The following RPH3A variants were observed in gnomAD, a reference collection of about 807,000 sequenced individuals.
RPH3A encodes the protein rabphilin-3A.
Under a neutral mutation model 102.2 loss-of-function variants are expected in RPH3A, and 48 were observed. That is an observed-to-expected ratio of 0.47 (90% confidence interval 0.37 to 0.60). RPH3A has a LOEUF of 0.60. Ranked by LOEUF, RPH3A falls within the 20% of genes least tolerant of loss-of-function variation. RPH3A has a pLI of 0.00. For synonymous variants in RPH3A, 310 were observed against 324.3 expected (o/e 0.96, Z 0.47); for missense variants, 781 against 910.1 (o/e 0.86, Z 1.83).
At chr12:112,763,667 T>G (rs2040869372) in intron 1 of RPH3A, among the ~76,000 whole-genome samples, 2 of 152,204 alleles carry the variant, frequency 1.3e-5, no homozygotes, top group South Asian at 4.1e-4. Flanking sequence ...AGATTGTAAA[T>G]GTTTCTTATC....
chr12:112,791,867 G>GGAGAGAGAGAGAGAGAGAGAGGGAGA lies in RPH3A; in HGVS notation c.-264_-263insGGAGAGAGAGAGAGAGAGAGAGAGAG, dbSNP rs2041114000. The GGAGAGAGAGAGAGAGAGAGAGGGAGA allele has an allele frequency of 2.1e-5, 1 of 48,484 alleles. No homozygotes were observed. Among genetic ancestry groups the GGAGAGAGAGAGAGAGAGAGAGGGAGA allele is most frequent in the African/African-American group, 9.6e-5 (1 of 10,408 alleles). 3.0% of individuals were successfully genotyped at this position (48,484 alleles called of 1,614,324 possible). On this transcript the variant is annotated 5_prime_UTR_variant, in exon 1 of 22. Coordinates refer to ENST00000389385, the MANE Select transcript of RPH3A (RefSeq NM_001143854.2). ...CGCGGACTGGAAAGGAAGGGAGAAG[G>GGAGAGAGAGAGAGAGAGAGAGGGAGA]GAGAGAGAGAGAGAGAGAGAGAGAG...
chr12:112,766,189 A>T (rs1262429400), intron 1 of RPH3A, among the ~76,000 whole-genome samples: 2 of 152,156 alleles, frequency 1.3e-5, no homozygotes, highest in East Asian at 3.9e-4. Flanking sequence ...GCCACTTCCT[A>T]GCTGTGTGAA....
At chr12:112,749,535 A>C (rs921384875) in intron 1 of RPH3A, among the ~76,000 whole-genome samples, 2 of 152,192 alleles carry the variant, frequency 1.3e-5, no homozygotes, top group African/African-American at 4.8e-5. Flanking sequence ...GTCATTTCTG[A>C]GGTAGAAATC....
At chr12:112,700,223 C>T (rs1291186534) in intron 1 of RPH3A, among the ~76,000 whole-genome samples, 1 of 152,156 alleles carries the variant, frequency 6.6e-6, no homozygotes, top group African/African-American at 2.4e-5. Context: ...GCATGCACAA[C>T]CACTCCCAGC....
At chr12:112,708,608 G>A (rs777986018) in intron 1 of RPH3A, among the ~76,000 whole-genome samples, 1 of 152,188 alleles carries the variant, frequency 6.6e-6, no homozygotes, top group Non-Finnish European at 1.5e-5. Context: ...GACACCGAGT[G>A]ACATCAGTGC....
intron 1 of RPH3A, among the ~76,000 whole-genome samples, chr12:112,671,844 C>G (rs2040133053): frequency 6.6e-6 from 1 of 151,268 alleles, no homozygotes; most frequent in Non-Finnish European, 1.5e-5. Flanking sequence ...AAAACAGAAC[C>G]AATAGGATCT....
At chr12:112,855,188 C>A (rs10774665) in intron 5 of RPH3A, among the ~76,000 whole-genome samples, 5 of 151,980 alleles carry the variant, frequency 3.3e-5, no homozygotes, top group Admixed American at 1.3e-4. Flanking sequence ...CCCTTGAGCC[C>A]TGTACACTTG....
At chr12:112,576,891 C>CT (rs201844953) in intron 1 of RPH3A, among the ~76,000 whole-genome samples, 2 of 121,702 alleles carry the variant, frequency 1.6e-5, no homozygotes, top group East Asian at 3.5e-4. Flanking sequence ...ATGTTCTTTT[C>CT]TTTTTTTTCT....
At chr12:112,728,365 T>C (rs1344002387) in intron 1 of RPH3A, among the ~76,000 whole-genome samples, 3 of 152,148 alleles carry the variant, frequency 2.0e-5, no homozygotes, top group Non-Finnish European at 4.4e-5. Context: ...TTTAAGCTTC[T>C]ATTTTTTTTT....
chr12:112,730,877 G>A (rs1252008732), intron 1 of RPH3A, among the ~76,000 whole-genome samples: 1 of 152,136 alleles, frequency 6.6e-6, no homozygotes, highest in East Asian at 1.9e-4. Context: ...GCCAGCCCTG[G>A]CCATTGTTCC....
intron 17 of RPH3A, 23 bp downstream of exon 17, chr12:112,887,946 T>A: frequency 6.2e-7 from 1 of 1,611,460 alleles, no homozygotes; most frequent in Non-Finnish European, 8.5e-7. Context: ...ACCCTGAGGA[T>A]CTGATGGGAG....
intron 4 of RPH3A, among the ~76,000 whole-genome samples, chr12:112,840,322 T>A (rs1453440864): frequency 6.6e-6 from 1 of 152,206 alleles, no homozygotes; most frequent in African/African-American, 2.4e-5. Context: ...TTTATTTGTG[T>A]TGAGAACATT....
chr12:112,885,683 G>A (rs544374487), intron 16 of RPH3A, among the ~76,000 whole-genome samples: 8 of 152,046 alleles, frequency 5.3e-5, no homozygotes, highest in African/African-American at 1.2e-4. Flanking sequence ...TGTAATAATC[G>A]CATCATGAGT....
At chr12:112,869,869 C>T (rs1187795918) in intron 9 of RPH3A, 24 bp from the exon 10 acceptor site, 1 of 1,613,996 alleles carries the variant, frequency 6.2e-7, no homozygotes, top group Non-Finnish European at 8.5e-7. Context: ...CCTTTCTCTA[C>T]TCAATTCATG....
intron 2 of RPH3A, among the ~76,000 whole-genome samples, chr12:112,805,992 A>C (rs1366366054): frequency 6.6e-6 from 1 of 152,226 alleles, no homozygotes; most frequent in African/African-American, 2.4e-5. Context: ...GACTTGTCAA[A>C]TGTCTATTAG....
chr12:112,741,666 C>T (rs935975422), intron 1 of RPH3A, among the ~76,000 whole-genome samples: 2 of 152,084 alleles, frequency 1.3e-5, no homozygotes, highest in Non-Finnish European at 1.5e-5. Context: ...ATGTAAGAAG[C>T]CATGTCTGCT....
chr12:112,815,584 C>T (rs976982094), intron 2 of RPH3A, among the ~76,000 whole-genome samples: 2 of 152,174 alleles, frequency 1.3e-5, no homozygotes, highest in African/African-American at 4.8e-5. Flanking sequence ...GTCTCTGAGG[C>T]AGAGGAGGGA....
chr12:112,871,391 C>G (rs1158205381), intron 10 of RPH3A, among the ~76,000 whole-genome samples: 2 of 152,176 alleles, frequency 1.3e-5, no homozygotes, highest in Non-Finnish European at 2.9e-5. Flanking sequence ...CTTTTTGATT[C>G]TGTATCTGTG....
chr12:112,825,103 G>C (rs1040691980), intron 2 of RPH3A, among the ~76,000 whole-genome samples: 2 of 151,646 alleles, frequency 1.3e-5, no homozygotes, highest in African/African-American at 4.9e-5. Flanking sequence ...TCCAGGTGGG[G>C]GGCTCCAGGG....
Sources: allele counts gnomAD v4.1 joint callset (sites outside exome capture counted in the v4.1 genomes callset), GRCh38; gene constraint gnomAD v4.1.1; transcripts MANE v1.5; gene names NCBI Gene and HGNC (gene_info 2026-07-23, HGNC 2026-07-21).